Variants in RASA2 observed in about 807,000 individuals in gnomAD.
RASA2 encodes the protein ras GTPase-activating protein 2.
In RASA2, 155 loss-of-function variants were observed where a neutral mutation model predicts 118.2. That is an observed-to-expected ratio of 1.31 (90% confidence interval 1.15 to 1.50). The LOEUF is 1.50. Ranked by LOEUF, RASA2 falls within the 40% of genes most tolerant of loss-of-function variation. The probability of loss-of-function intolerance (pLI) is 0.00; values close to 1 mark genes in which losing one functional copy is unlikely to be tolerated. For missense variants in RASA2, 1,016 were observed against 1,009.6 expected, an observed-to-expected ratio of 1.01 and a Z score of -0.09; for synonymous variants, 353 against 349.1, an observed-to-expected ratio of 1.01 and a Z score of -0.12.
rs773040715 is a variant in RASA2 at position 141,487,078 on chromosome 3, G to T, written c.-6G>T. Reference sequence around the variant, plus strand: ...GGCAGGGCTGCGGCACGGGCCGGGCGGCACCATGGCGGCGGCGGCGCCTGC... The same window carrying T: ...GGCAGGGCTGCGGCACGGGCCGGGCTGCACCATGGCGGCGGCGGCGCCTGC... On this transcript the variant is annotated 5_prime_UTR_variant, in exon 1 of 24. Coordinates refer to ENST00000286364, the MANE Select transcript of RASA2 (RefSeq NM_006506.5). 6.1e-5 allele frequency: 81 copies of T among 1,337,684 alleles called. No homozygotes were observed. Among genetic ancestry groups the T allele is most frequent in the Non-Finnish European group, 7.4e-5 (76 of 1,031,918 alleles). The allele number at this position is 1,337,684 out of a possible 1,614,324, so 82.9% of individuals were successfully genotyped here.
intron 1 of RASA2, among the ~76,000 whole-genome samples, chr3:141,487,628 C>T (rs2081594341): frequency 6.6e-6 from 1 of 152,044 alleles, no homozygotes; most frequent in Admixed American, 6.6e-5. Context: ...GGGGAGTGGC[C>T]CCGCGGTGGG....
chr3:141,553,272 C>T lies in RASA2; in HGVS notation c.528-585C>T, dbSNP rs559717114. On this transcript the variant is annotated intron_variant, in intron 5 of 23. Transcript: ENST00000286364. ...TTTGTAGCTTCTCATTTAGGGTTTG[C>T]ACCACTTTCTTTTCCTTTTTAGAGG... Among the ~76,000 whole-genome samples the T allele has an allele frequency of 5.3e-5, 8 of 152,294 alleles. No homozygotes were observed. The South Asian group carries it at 6.2e-4, about 12-fold the overall frequency.
chr3:141,487,747 G>A lies in RASA2; in HGVS notation c.133+531G>A, dbSNP rs376063308. On this transcript the variant is annotated intron_variant, in intron 1 of 23. Transcript: ENST00000286364. ...CGTTTCCTGGGCTCGGCGAGCCTGG[G>A]AGAGGTTGAAAAAGGCGCCCTGAGC... 4.5e-3 allele frequency among the ~76,000 whole-genome samples: 689 copies of A among 152,200 alleles called. 5 individuals carry two copies. The highest frequency in any genetic ancestry group is 0.028 in the South Asian group (133 of 4,814).
chr3:141,608,246 G>C (rs947012060), intron 20 of RASA2, among the ~76,000 whole-genome samples: 1 of 151,868 alleles, frequency 6.6e-6, no homozygotes, highest in Non-Finnish European at 1.5e-5. Flanking sequence ...TTATCTATAT[G>C]ATAGTCCATT....
At chr3:141,565,002 T>C (rs2082795488) in intron 9 of RASA2, among the ~76,000 whole-genome samples, 1 of 152,192 alleles carries the variant, frequency 6.6e-6, no homozygotes, top group South Asian at 2.1e-4. Flanking sequence ...TTTTATTTTT[T>C]TGAGATGCAG....
Position 141,614,502 on chromosome 3 carries a change from C to T in RASA2, c.*2189C>T, listed in dbSNP as rs967071712. ...CTTACAAATGTTTTAATTTTTACTA[C>T]CTGATATTCTTTCTCTACCTTTTCC... On this transcript the variant is annotated 3_prime_UTR_variant, in exon 24 of 24. Coordinates refer to ENST00000286364, the MANE Select transcript of RASA2 (RefSeq NM_006506.5). 6.6e-6 allele frequency: 1 copy of T among 152,150 alleles called. No homozygotes were observed. The highest frequency in any genetic ancestry group is 1.5e-5 in the Non-Finnish European group (1 of 68,010). 9.4% of individuals were successfully genotyped at this position (152,150 alleles called of 1,614,324 possible). A position where few individuals can be genotyped will look rare whatever the true frequency, so the allele number is the denominator to read the frequency against.
At chr3:141,552,687 A>G (rs1006719709) in intron 5 of RASA2, among the ~76,000 whole-genome samples, 2 of 152,236 alleles carry the variant, frequency 1.3e-5, no homozygotes, top group East Asian at 1.9e-4. Flanking sequence ...TTCTTTGGCT[A>G]GTTTCAAAAT....
Position 141,545,461 on chromosome 3 carries a change from C to CTT in RASA2, c.527+4872_527+4873dup, listed in dbSNP as rs35655653. Among the ~76,000 whole-genome samples the CTT allele has an allele frequency of 9.9e-3, 1,125 of 113,158 alleles. 33 individuals are homozygous for CTT. Among genetic ancestry groups the CTT allele is most frequent in the African/African-American group, 0.025 (727 of 29,134 alleles). The allele number at this position is 113,158 out of a possible 152,430, so 74.2% of individuals were successfully genotyped here. A position where few individuals can be genotyped will look rare whatever the true frequency, so the allele number is the denominator to read the frequency against. ...AGAGAGAGTGGGGAGGTACTACATACTTTTTTTTTTTTTTTTTTTTTGAGA... is the reference window on the plus strand; with the variant it reads ...AGAGAGAGTGGGGAGGTACTACATACTTTTTTTTTTTTTTTTTTTTTTTGAGA... On this transcript the variant is annotated intron_variant, in intron 5 of 23. Transcript: ENST00000286364.
chr3:141,550,732 A>G (rs1041359240), intron 5 of RASA2, among the ~76,000 whole-genome samples: 8 of 152,212 alleles, frequency 5.3e-5, no homozygotes, highest in Non-Finnish European at 1.2e-4. Flanking sequence ...AACTTAACAC[A>G]TTTAAAACTG....
intron 23 of RASA2, among the ~76,000 whole-genome samples, chr3:141,610,370 T>A (rs897796891): frequency 8.4e-6 from 1 of 118,854 alleles, no homozygotes; most frequent in African/African-American, 3.3e-5. Context: ...TATTATATAT[T>A]TATATTTATA....
At chr3:141,608,462 A>C in intron 20 of RASA2, 27 bp from the exon 21 acceptor site, 1 of 1,606,076 alleles carries the variant, frequency 6.2e-7, no homozygotes, top group South Asian at 1.1e-5. Context: ...TCTTGTCACT[A>C]ACTTTTTATC....
intron 5 of RASA2, among the ~76,000 whole-genome samples, chr3:141,547,783 C>T (rs1474495010): frequency 1.3e-5 from 2 of 152,162 alleles, no homozygotes. Flanking sequence ...AAAAGACTTT[C>T]AGTTGTTCCC....
At chr3:141,509,611 C>A (rs1046157752) in intron 1 of RASA2, among the ~76,000 whole-genome samples, 6 of 151,964 alleles carry the variant, frequency 3.9e-5, no homozygotes, top group African/African-American at 1.5e-4. Context: ...AAAAAAAAGT[C>A]TAAATTATGC....
chr3:141,512,301 A>G (rs758300974), intron 2 of RASA2, 21 bp downstream of exon 2: 1 of 1,483,192 alleles, frequency 6.7e-7, no homozygotes, highest in Non-Finnish European at 9.2e-7. Context: ...AAAATTGGTA[A>G]ATTATAATTT....
At chr3:141,596,397 G>A (rs1233539165) in intron 19 of RASA2, among the ~76,000 whole-genome samples, 1 of 152,122 alleles carries the variant, frequency 6.6e-6, no homozygotes, top group Non-Finnish European at 1.5e-5. Context: ...TTATTAACAA[G>A]TAAAGAAAAT....
At chr3:141,606,268 A>G (rs1264095565) in intron 19 of RASA2, among the ~76,000 whole-genome samples, 3 of 152,060 alleles carry the variant, frequency 2.0e-5, no homozygotes, top group Non-Finnish European at 1.5e-5. Context: ...CCCCACCCCC[A>G]TAAATATAAT....
intron 19 of RASA2, among the ~76,000 whole-genome samples, chr3:141,596,650 C>T (rs1286149602): frequency 6.6e-6 from 1 of 152,128 alleles, no homozygotes; most frequent in Non-Finnish European, 1.5e-5. Context: ...TATGAACAAA[C>T]ATTTTATCAA....
intron 11 of RASA2, among the ~76,000 whole-genome samples, chr3:141,572,059 T>TAC (rs1481718700): frequency 7.9e-4 from 96 of 121,962 alleles, no homozygotes; most frequent in Non-Finnish European, 9.1e-4. Flanking sequence ...TATATATATA[T>TAC]ATACACACAC....
chr3:141,551,504 G>A (rs2082574651), intron 5 of RASA2, among the ~76,000 whole-genome samples: 2 of 152,140 alleles, frequency 1.3e-5, no homozygotes, highest in East Asian at 3.9e-4. Context: ...CTCCCTGGAG[G>A]TTTTTCTTTC....
Sources: allele counts gnomAD v4.1 joint callset (sites outside exome capture counted in the v4.1 genomes callset), GRCh38; gene constraint gnomAD v4.1.1; transcripts MANE v1.5; gene names NCBI Gene and HGNC (gene_info 2026-07-23, HGNC 2026-07-21).